Variants in RUFY3 observed in about 807,000 individuals in gnomAD.
RUFY3 encodes RUN and FYVE domain containing 3.
A neutral mutation model predicts 84.0 loss-of-function variants in RUFY3; 34 were observed. The observed-to-expected ratio is 0.40, with a 90% CI of 0.31 to 0.54. The LOEUF (loss-of-function observed/expected upper bound fraction) is 0.54. Among genes scored for constraint, RUFY3 ranks in the 20% least tolerant of loss-of-function variants. The probability of loss-of-function intolerance (pLI) is 0.39; values close to 1 mark genes in which losing one functional copy is unlikely to be tolerated. For missense variants in RUFY3, 507 were observed against 736.8 expected (o/e 0.69, Z 3.61); for synonymous variants, 242 against 252.9 (o/e 0.96, Z 0.41).
intron 4 of RUFY3, among the ~76,000 whole-genome samples, chr4:70,765,204 A>ATGT (rs1290710363): frequency 3.4e-4 from 42 of 123,484 alleles, no homozygotes; most frequent in African/African-American, 1.3e-3. Flanking sequence ...AAAAAAAAAA[A>ATGT]ATGTGTATAT....
rs759412234 is a variant in RUFY3 at position 70,788,981 on chromosome 4, A to T, written c.1239+8A>T. 6.2e-7 allele frequency: 1 copy of T among 1,613,410 alleles called. No homozygotes were observed. Among genetic ancestry groups the T allele is most frequent in the Admixed American group, 1.7e-5 (1 of 59,980 alleles). The stretch of plus-strand genomic sequence containing the variant: ...CTTGCCTTTAAGCTGCAGGTAGGGG[A>T]AATATGAGGAATAGACTCACTGGCT... On this transcript the variant is annotated splice_region_variant and intron_variant, in intron 11 of 17. Coordinates refer to ENST00000381006, the MANE Select transcript of RUFY3 (RefSeq NM_001037442.4).
rs1725383249 is a variant in RUFY3 at position 70,763,600 on chromosome 4, A to G, written c.401A>G (p.Glu134Gly). ...AATAAATCCTTCTGGGGGCCTCTAG[A>G]ACTGGTAGAAAAGCTTGTTCCAGAA... ...GQNKSFWGPL[E>G]LVEKLVPEAA... The change falls in exon 3 of 18, where the codon GAA becomes GGA. Residue 134 changes from glutamate (E) to glycine (G), a missense_variant. By Grantham distance (98) the Glu-to-Gly change is moderately conservative (BLOSUM62 -2). Coordinates refer to ENST00000381006, the MANE Select transcript of RUFY3 (RefSeq NM_001037442.4). 1 of 1,613,446 alleles carries G rather than the reference A, an allele frequency of 6.2e-7. No homozygotes were observed. Among genetic ancestry groups the G allele is most frequent in the African/African-American group, 1.3e-5 (1 of 74,894 alleles).
intron 12 of RUFY3, among the ~76,000 whole-genome samples, chr4:70,790,331 G>A (rs534638547): frequency 1.3e-5 from 2 of 152,286 alleles, no homozygotes; most frequent in East Asian, 1.9e-4. Flanking sequence ...TGAATGTGAC[G>A]TGGTACCCAA....
intron 1 of RUFY3, among the ~76,000 whole-genome samples, chr4:70,716,336 G>A (rs1422063079): frequency 2.0e-5 from 3 of 151,736 alleles, no homozygotes; most frequent in Non-Finnish European, 4.4e-5. Context: ...ACTAGAGACG[G>A]GGTTTCACCA....
Position 70,788,941 on chromosome 4 carries a change from G to C in RUFY3, c.1207G>C (p.Ala403Pro). Residue 403 changes from alanine (A) to proline (P), a missense_variant, in exon 11 of 18, where the codon GCT (alanine) becomes CCT (proline). Ala to Pro is a conservative substitution (Grantham distance 27). Coordinates refer to ENST00000381006, the MANE Select transcript of RUFY3 (RefSeq NM_001037442.4). ...SLRQQLDDLRALKHELAFKLQ... is the reference protein window; with the variant it reads ...SLRQQLDDLRPLKHELAFKLQ... The stretch of plus-strand genomic sequence containing the variant: ...TCGGCAGCAGCTGGATGACCTCAGA[G>C]CTCTCAAGCATGAACTTGCCTTTAA... The C allele has an allele frequency of 3.1e-6, 5 of 1,614,172 alleles. No homozygotes were observed. Among genetic ancestry groups the C allele is most frequent in the Non-Finnish European group, 4.2e-6 (5 of 1,180,024 alleles).
chr4:70,745,083 T>C (rs1470360485), intron 1 of RUFY3, among the ~76,000 whole-genome samples: 2 of 152,146 alleles, frequency 1.3e-5, no homozygotes, highest in Admixed American at 1.3e-4. Flanking sequence ...TAGCTGGGAC[T>C]ACAGGTGCAC....
chr4:70,760,333 A>C (rs1724807940), intron 1 of RUFY3, among the ~76,000 whole-genome samples: 1 of 152,206 alleles, frequency 6.6e-6, no homozygotes, highest in Non-Finnish European at 1.5e-5. Context: ...ACTAGTTCTC[A>C]CTACGTTGGA....
In RUFY3 at chr4:70,787,211, TATAA is replaced by T. The variant is rs1313656446; in HGVS notation, c.1072-1593_1072-1590del. 1.2e-3 allele frequency among the ~76,000 whole-genome samples: 164 copies of T among 132,140 alleles called. 1 individual carries two copies. The highest frequency in any genetic ancestry group is 6.1e-3 in the East Asian group (27 of 4,394). 86.7% of individuals were successfully genotyped at this position (132,140 alleles called of 152,430 possible). A position where few individuals can be genotyped will look rare whatever the true frequency, so the allele number is the denominator to read the frequency against. On this transcript the variant is annotated intron_variant, in intron 10 of 17. Coordinates refer to ENST00000381006, the MANE Select transcript of RUFY3 (RefSeq NM_001037442.4). ...AAATATATATATATATATATATATA[TATAA>T]AAACAAATTGACAGTATATAACATA... is the stretch of plus-strand genomic sequence containing the variant.
upstream of RUFY3, among the ~76,000 whole-genome samples, chr4:70,718,151 G>A (rs1741843108): frequency 6.6e-6 from 1 of 152,068 alleles, no homozygotes; most frequent in Admixed American, 6.6e-5. Context: ...CCAAAGTGCT[G>A]GGATTACAGG....
intron 1 of RUFY3, among the ~76,000 whole-genome samples, chr4:70,747,861 G>T (rs1722485250): frequency 6.6e-6 from 1 of 152,126 alleles, no homozygotes; most frequent in Admixed American, 6.5e-5. Flanking sequence ...AAAATAATAT[G>T]TTGAGAATCC....
intron 17 of RUFY3, among the ~76,000 whole-genome samples, chr4:70,804,691 G>T (rs1732642637): frequency 6.6e-6 from 1 of 150,930 alleles, no homozygotes; most frequent in Non-Finnish European, 1.5e-5. Context: ...GCCGAGGCGG[G>T]CCGATCACAA....
chr4:70,751,873 T>C (rs1026197932), intron 1 of RUFY3, among the ~76,000 whole-genome samples: 2 of 152,216 alleles, frequency 1.3e-5, no homozygotes, highest in Non-Finnish European at 2.9e-5. Flanking sequence ...GTCTCAGATC[T>C]ATTTTGAGCT....
intron 1 of RUFY3, among the ~76,000 whole-genome samples, chr4:70,750,547 A>G (rs867153368): frequency 2.0e-5 from 3 of 152,214 alleles, no homozygotes; most frequent in Non-Finnish European, 4.4e-5. Context: ...TACAATTCAC[A>G]TACCATAAAG....
chr4:70,746,186 A>AT (rs1722182420), intron 1 of RUFY3, among the ~76,000 whole-genome samples: 2 of 152,220 alleles, frequency 1.3e-5, no homozygotes. Context: ...TCTACTAAAA[A>AT]TACAAAAAGT....
intron 11 of RUFY3, 100 bp from the exon 12 acceptor site, chr4:70,789,395 C>A: frequency 8.9e-7 from 1 of 1,127,928 alleles, no homozygotes; most frequent in Non-Finnish European, 1.3e-6. Flanking sequence ...AATATATGAA[C>A]ATTTCTGTTT....
chr4:70,727,918 T>C (rs921636222), intron 1 of RUFY3, among the ~76,000 whole-genome samples: 1 of 152,124 alleles, frequency 6.6e-6, no homozygotes, highest in Non-Finnish European at 1.5e-5. Flanking sequence ...AAACCAACTA[T>C]AGCTATGACT....
intron 1 of RUFY3, among the ~76,000 whole-genome samples, chr4:70,755,233 T>A (rs1723803533): frequency 6.6e-6 from 1 of 152,366 alleles, no homozygotes; most frequent in Middle Eastern, 3.4e-3. Context: ...TTCTGTGTGA[T>A]AACCATTTTG....
At chr4:70,713,391 C>A (rs1560436266) in intron 1 of RUFY3, among the ~76,000 whole-genome samples, 1 of 152,150 alleles carries the variant, frequency 6.6e-6, no homozygotes, top group Admixed American at 6.5e-5. Flanking sequence ...TATGGCCATG[C>A]CCCCTACTGT....
At chr4:70,708,336 A>G (rs1043317963) in intron 1 of RUFY3, among the ~76,000 whole-genome samples, 4 of 144,476 alleles carry the variant, frequency 2.8e-5, no homozygotes, top group East Asian at 2.0e-4. Flanking sequence ...CACCCCAGCT[A>G]TTTTTTTTTT....
Sources: gnomAD v4.1 joint callset for allele counts (sites outside exome capture counted in the v4.1 genomes callset) on GRCh38, gnomAD v4.1.1 for gene constraint, MANE v1.5 for transcripts, NCBI Gene and HGNC (gene_info 2026-07-23, HGNC 2026-07-21) for gene names.